The following ARHGAP24 variants were observed in gnomAD, a reference collection of about 807,000 sequenced individuals.
ARHGAP24 encodes the protein Rho GTPase activating protein 24.
Under a neutral mutation model 76.4 loss-of-function variants are expected in ARHGAP24, and 50 were observed. The observed-to-expected ratio is 0.65, with a 90% CI of 0.52 to 0.83. The LOEUF (loss-of-function observed/expected upper bound fraction) is 0.83, where lower values mean the gene tolerates loss of function less well. Among genes scored for constraint, ARHGAP24 ranks in the 40% least tolerant of loss-of-function variants. ARHGAP24 has a pLI of 0.00. For missense variants in ARHGAP24, 930 were observed against 914.2 expected (o/e 1.02, Z -0.22); for synonymous variants, 345 against 323.3 (o/e 1.07, Z -0.72).
chr4:85,803,355 T>C (rs1324433128), intron 3 of ARHGAP24, among the ~76,000 whole-genome samples: 3 of 152,210 alleles, frequency 2.0e-5, no homozygotes, highest in African/African-American at 7.2e-5. Context: ...GCTAGTAATA[T>C]TGTTCTTAAC....
chr4:85,984,082 A>G (rs994136368), intron 8 of ARHGAP24, among the ~76,000 whole-genome samples: 1 of 152,224 alleles, frequency 6.6e-6, no homozygotes, highest in Non-Finnish European at 1.5e-5. Context: ...GAACCACTAA[A>G]TATTCAATTA....
In ARHGAP24 at chr4:85,771,260, T is replaced by C. The variant is rs1015726754; in HGVS notation, c.268+49288T>C. The stretch of plus-strand genomic sequence containing the variant: ...CTGTAGGCTGAAAGCCCAGGAAACC[T>C]AGTGGTATAGTTCCAGTCTAAGCCT... On this transcript the variant is annotated intron_variant, in intron 3 of 9. Transcript: ENST00000395184. Among the ~76,000 whole-genome samples, 6 of 152,322 alleles carry C rather than the reference T, an allele frequency of 3.9e-5. No individual in the cohort carries two copies. The East Asian group carries it at 1.2e-3, about 29-fold the overall frequency.
At chr4:85,918,533 A>T (rs1735542092) in intron 3 of ARHGAP24, among the ~76,000 whole-genome samples, 1 of 152,062 alleles carries the variant, frequency 6.6e-6, no homozygotes, top group African/African-American at 2.4e-5. Flanking sequence ...TTTACATTTC[A>T]TTTTAGAATT....
In ARHGAP24 at chr4:85,988,341, A is replaced by G. The variant is rs1348318786; in HGVS notation, c.929-6242A>G. Among the ~76,000 whole-genome samples, 7 of 151,788 alleles carry G rather than the reference A, an allele frequency of 4.6e-5. No homozygotes were observed. The South Asian group carries it at 1.2e-3, about 27-fold the overall frequency. On this transcript the variant is annotated intron_variant, in intron 8 of 9. Coordinates refer to ENST00000395184, the MANE Select transcript of ARHGAP24 (RefSeq NM_001025616.3). ...AGATAACCTGTTGTATAAAGCAAAA[A>G]TAAGATAATGTAACATGGCATACAT...
intron 5 of ARHGAP24, among the ~76,000 whole-genome samples, chr4:85,962,701 G>A (rs1738334572): frequency 6.6e-6 from 1 of 151,502 alleles, no homozygotes; most frequent in Admixed American, 6.6e-5. Context: ...GTTCCACAGA[G>A]TAGTCAGAGA....
intron 3 of ARHGAP24, chr4:85,779,014 C>G (rs541701931): frequency 8.1e-6 from 8 of 984,088 alleles, no homozygotes; most frequent in African/African-American, 1.7e-5. Flanking sequence ...GTTTTGGGGA[C>G]AAGTATTTAG....
intron 8 of ARHGAP24, among the ~76,000 whole-genome samples, chr4:85,978,214 C>G (rs202220626): frequency 1.3e-5 from 2 of 152,234 alleles, no homozygotes; most frequent in East Asian, 3.9e-4. Flanking sequence ...TTTTTCCCAG[C>G]AGGCCTAGGT....
At position 85,904,542 on chromosome 4, in the gene ARHGAP24, T is replaced by G. The variant is rs72972049; in HGVS notation, c.269-19106T>G. Among the ~76,000 whole-genome samples the G allele has an allele frequency of 8.0e-3, 1,214 of 152,278 alleles. 15 individuals are homozygous for G. The highest frequency in any genetic ancestry group is 0.025 in the African/African-American group (1,055 of 41,542). On this transcript the variant is annotated intron_variant, in intron 3 of 9. Transcript: ENST00000395184. The stretch of plus-strand genomic sequence containing the variant: ...CTTTGAGAAATGCTACTAAATGAAA[T>G]TTGACAGGATTTAAAGTGTTATTCA...
chr4:85,997,642 C>CTAACT (rs1430113396), intron 9 of ARHGAP24, among the ~76,000 whole-genome samples: 72 of 151,490 alleles, frequency 4.8e-4, no homozygotes, highest in Non-Finnish European at 8.6e-4. Context: ...CTAACTTTTT[C>CTAACT]TTTTCTTATT....
intron 1 of ARHGAP24, among the ~76,000 whole-genome samples, chr4:85,487,964 G>A (rs933622044): frequency 6.9e-6 from 1 of 145,056 alleles, no homozygotes; most frequent in East Asian, 2.0e-4. Flanking sequence ...GTAGTGCAGT[G>A]GCGTGATCTC....
rs540963526 is a variant in ARHGAP24 at position 85,802,855 on chromosome 4, A to C, written c.268+80883A>C. Among the ~76,000 whole-genome samples the C allele has an allele frequency of 2.0e-5, 3 of 152,350 alleles. No individual in the cohort carries two copies. In the South Asian group the frequency reaches 6.2e-4, roughly 32 times the overall value. On this transcript the variant is annotated intron_variant, in intron 3 of 9. Transcript: ENST00000395184. ...ATAAAGGAAAAGAATTGAGACTATC[A>C]GATTTAAAGTAGTTAATATCCAGTT...
chr4:85,722,523 CTG>C (rs1724992417), intron 3 of ARHGAP24: 2 of 158,900 alleles, frequency 1.3e-5, no homozygotes, highest in Non-Finnish European at 2.8e-5. Context: ...GCTGGTAGAG[CTG>C]AGGACAGCTC....
intron 2 of ARHGAP24, among the ~76,000 whole-genome samples, chr4:85,615,015 T>C (rs1312891940): frequency 6.6e-6 from 1 of 152,106 alleles, no homozygotes; most frequent in Non-Finnish European, 1.5e-5. Context: ...AACTTGTCAC[T>C]GTATTTAATA....
chr4:85,914,753 G>A (rs1402254474), intron 3 of ARHGAP24, among the ~76,000 whole-genome samples: 1 of 152,124 alleles, frequency 6.6e-6, no homozygotes, highest in Non-Finnish European at 1.5e-5. Context: ...TTAGTTTTAA[G>A]TTCATTTGTA....
Position 85,923,669 on chromosome 4 carries a change from C to T in ARHGAP24, c.290C>T (p.Thr97Ile), listed in dbSNP as rs770152202. Residue 97 changes from threonine (T) to isoleucine (I), a missense_variant, in exon 4 of 10, where the codon ACA becomes ATA. Thr to Ile is a moderately conservative substitution (Grantham distance 89). Coordinates refer to ENST00000395184, the MANE Select transcript of ARHGAP24 (RefSeq NM_001025616.3). The stretch of plus-strand genomic sequence containing the variant: ...ACAGGAGGCGATCGAGATCGGATGA[C>T]AGCAAATCATGAAAGCTACCTCCTC... Reference protein sequence around the residue: ...VVPGGDRDRMTANHESYLLMA... With the variant: ...VVPGGDRDRMIANHESYLLMA... 10 of 1,613,814 alleles carry T rather than the reference C, an allele frequency of 6.2e-6. No individual in the cohort carries two copies. Among genetic ancestry groups the T allele is most frequent in the Middle Eastern group, 1.7e-4 (1 of 6,056 alleles).
intron 3 of ARHGAP24, among the ~76,000 whole-genome samples, chr4:85,878,505 CT>C (rs1050422855): frequency 2.6e-5 from 4 of 151,928 alleles, no homozygotes; most frequent in African/African-American, 7.3e-5. Flanking sequence ...GTTAAGACCC[CT>C]GTTGATAAAA....
At chr4:85,685,588 G>T (rs996549883) in intron 2 of ARHGAP24, among the ~76,000 whole-genome samples, 1 of 148,964 alleles carries the variant, frequency 6.7e-6, no homozygotes, top group African/African-American at 2.5e-5. Flanking sequence ...AGCCGAGATC[G>T]TGCCACTTCA....
intron 2 of ARHGAP24, among the ~76,000 whole-genome samples, chr4:85,679,321 T>C (rs886692049): frequency 3.3e-5 from 5 of 152,202 alleles, no homozygotes; most frequent in Non-Finnish European, 7.3e-5. Flanking sequence ...TTTGTTTACT[T>C]CACTTTATTT....
chr4:85,965,006 G>A (rs2148845493), intron 5 of ARHGAP24, among the ~76,000 whole-genome samples: 2 of 152,190 alleles, frequency 1.3e-5, no homozygotes, highest in South Asian at 4.1e-4. Context: ...TCTATACACA[G>A]AAGAAATTCT....
Sources: gnomAD v4.1 joint callset for allele counts (sites outside exome capture counted in the v4.1 genomes callset) on GRCh38, gnomAD v4.1.1 for gene constraint, MANE v1.5 for transcripts, NCBI Gene and HGNC (gene_info 2026-07-23, HGNC 2026-07-21) for gene names.